The following RGS20 variants were observed in gnomAD, a reference collection of about 807,000 sequenced individuals.
The protein encoded by RGS20 is gz-selective GTPase-activating protein.
RGS20 carries 30 observed loss-of-function variants against 33.6 expected under a neutral mutation model. The ratio of observed to expected loss-of-function variants is 0.89; its 90% CI spans 0.67 to 1.21. RGS20 has a LOEUF of 1.21. Ranked by LOEUF, RGS20 falls within the 50% of genes most tolerant of loss-of-function variation. The pLI is 0.00. For missense variants in RGS20, 472 were observed against 502.4 expected, an observed-to-expected ratio of 0.94 and a Z score of 0.58; for synonymous variants, 208 against 197.9, an observed-to-expected ratio of 1.05 and a Z score of -0.43.
rs118135544 is a variant in RGS20, at chr8:53,879,675, A to G, written c.510+73A>G. 5.8e-3 allele frequency: 7,019 copies of G among 1,213,136 alleles called. 446 individuals carry two copies. In the East Asian group the frequency reaches 0.15, roughly 25 times the overall value. 75.1% of individuals were successfully genotyped at this position (1,213,136 alleles called of 1,614,324 possible). On this transcript the variant is annotated intron_variant, in intron 2 of 5. Coordinates refer to ENST00000297313, the MANE Select transcript of RGS20 (RefSeq NM_170587.4). ...CACCAGCCTCTCCCGATTCTTCCTAACCCCAACTGACCCGCTCCGCTGGGG... is the reference window on the plus strand; with the variant it reads ...CACCAGCCTCTCCCGATTCTTCCTAGCCCCAACTGACCCGCTCCGCTGGGG...
chr8:53,865,712 T>C (rs1393870483), intron 1 of RGS20, among the ~76,000 whole-genome samples: 1 of 152,214 alleles, frequency 6.6e-6, no homozygotes, highest in Non-Finnish European at 1.5e-5. Flanking sequence ...GCTCAAGCTG[T>C]TCTCATGCCT....
At chr8:53,881,310 C>T (rs1381843948) in intron 2 of RGS20, among the ~76,000 whole-genome samples, 1 of 151,720 alleles carries the variant, frequency 6.6e-6, no homozygotes, top group Non-Finnish European at 1.5e-5. Context: ...GGGCATCGCG[C>T]CACCAGGATC....
At chr8:53,956,418 GAA>G (rs1814864539) in intron 5 of RGS20, among the ~76,000 whole-genome samples, 1 of 152,132 alleles carries the variant, frequency 6.6e-6, no homozygotes, top group Non-Finnish European at 1.5e-5. Flanking sequence ...TTTGATTTTT[GAA>G]AGACCAGTAG....
At chr8:53,929,624 C>T (rs1813899149) in intron 2 of RGS20, among the ~76,000 whole-genome samples, 1 of 152,130 alleles carries the variant, frequency 6.6e-6, no homozygotes. Flanking sequence ...GCCAAGATCG[C>T]ACCATTGCAC....
At chr8:53,895,648 CTTT>C (rs564840669) in intron 2 of RGS20, among the ~76,000 whole-genome samples, 6 of 142,652 alleles carry the variant, frequency 4.2e-5, no homozygotes, top group African/African-American at 5.1e-5. Flanking sequence ...CTTTTTATTC[CTTT>C]TTTTTTTTTT....
chr8:53,885,952 G>A (rs1284239955), intron 2 of RGS20, among the ~76,000 whole-genome samples: 1 of 152,170 alleles, frequency 6.6e-6, no homozygotes, highest in Non-Finnish European at 1.5e-5. Context: ...CAGTTTGGCA[G>A]AACTTAGTTT....
chr8:53,955,428 T>G (rs1814839315), intron 5 of RGS20, among the ~76,000 whole-genome samples: 1 of 152,188 alleles, frequency 6.6e-6, no homozygotes, highest in Non-Finnish European at 1.5e-5. Context: ...GTGATACTGA[T>G]GCTGAAAAGG....
intron 2 of RGS20, among the ~76,000 whole-genome samples, chr8:53,884,191 C>CTTTTTTTTTTTTTTTTTTTTT (rs4014055): frequency 9.7e-6 from 1 of 103,478 alleles, no homozygotes; most frequent in African/African-American, 4.5e-5. Flanking sequence ...GAAAAACAGT[C>CTTTTTTTTTTTTTTTTTTTTT]TTTTTTTTTT....
At chr8:53,880,764 T>C (rs1812340269) in intron 2 of RGS20, 108 bp from the exon 1 acceptor site, 1 of 1,019,964 alleles carries the variant, frequency 9.8e-7, no homozygotes, top group African/African-American at 1.7e-5. Context: ...GCGTGGGGCC[T>C]CGGGGGTACC....
chr8:53,946,570 T>C, intron 3 of RGS20, 95 bp from the exon 3 acceptor site: 2 of 1,027,094 alleles, frequency 1.9e-6, no homozygotes, highest in Non-Finnish European at 3.0e-6. Context: ...ATTCTATTAA[T>C]ACTTGGGGAT....
intron 2 of RGS20, among the ~76,000 whole-genome samples, chr8:53,929,091 C>T (rs1175672429): frequency 6.6e-6 from 1 of 152,056 alleles, no homozygotes; most frequent in African/African-American, 2.4e-5. Flanking sequence ...TCAAGAAATG[C>T]AAATTAATGG....
intron 2 of RGS20, among the ~76,000 whole-genome samples, chr8:53,882,049 G>A (rs968483879): frequency 6.6e-6 from 1 of 152,136 alleles, no homozygotes; most frequent in Non-Finnish European, 1.5e-5. Flanking sequence ...GCGGCGCTCC[G>A]GGACCGGGGT....
intron 2 of RGS20, among the ~76,000 whole-genome samples, chr8:53,920,801 C>T (rs1014230461): frequency 4.6e-5 from 7 of 152,138 alleles, no homozygotes; most frequent in African/African-American, 1.2e-4. Flanking sequence ...CTCTGTTGCC[C>T]GGGCTGGAGT....
intron 2 of RGS20, among the ~76,000 whole-genome samples, chr8:53,909,460 A>G (rs1813292096): frequency 6.6e-6 from 1 of 151,532 alleles, no homozygotes; most frequent in Non-Finnish European, 1.5e-5. Context: ...TATATTACCC[A>G]GGCTGGTCTC....
chr8:53,884,754 C>T (rs891976497), intron 2 of RGS20, among the ~76,000 whole-genome samples: 3 of 152,152 alleles, frequency 2.0e-5, no homozygotes, highest in African/African-American at 4.8e-5. Flanking sequence ...AAAAAGTGTA[C>T]GAGCATGTGC....
intron 2 of RGS20, among the ~76,000 whole-genome samples, chr8:53,894,598 G>A (rs1180695487): frequency 2.0e-5 from 3 of 152,172 alleles, no homozygotes; most frequent in Non-Finnish European, 4.4e-5. Flanking sequence ...CAAATCCATC[G>A]AATGTGGCCC....
chr8:53,948,697 CAT>C (rs1369104743), intron 4 of RGS20, among the ~76,000 whole-genome samples: 1 of 119,698 alleles, frequency 8.4e-6, no homozygotes, highest in East Asian at 2.4e-4. Flanking sequence ...TACATATTTA[CAT>C]ATGCTATATA....
intron 1 of RGS20, among the ~76,000 whole-genome samples, chr8:53,865,839 C>T (rs1175644415): frequency 6.6e-6 from 1 of 152,146 alleles, no homozygotes; most frequent in Non-Finnish European, 1.5e-5. Context: ...AACTCCTGGC[C>T]TCAAGTGATC....
intron 2 of RGS20, among the ~76,000 whole-genome samples, chr8:53,890,055 G>A (rs1477302067): frequency 6.6e-6 from 1 of 152,048 alleles, no homozygotes; most frequent in Admixed American, 6.6e-5. Flanking sequence ...GGCTTTGTCT[G>A]GTTTTCTTTC....
Sources: gnomAD v4.1 joint callset for allele counts (sites outside exome capture counted in the v4.1 genomes callset) on GRCh38, gnomAD v4.1.1 for gene constraint, MANE v1.5 for transcripts, NCBI Gene and HGNC (gene_info 2026-07-23, HGNC 2026-07-21) for gene names.